Variants in PRDM15 observed in about 807,000 individuals in gnomAD.
The protein encoded by PRDM15 is PR/SET domain 15, also known as PR domain zinc finger protein 15.
PRDM15 carries 64 observed loss-of-function variants against 128.6 expected under a neutral mutation model. The ratio of observed to expected loss-of-function variants is 0.50; its 90% CI spans 0.41 to 0.61. The LOEUF (loss-of-function observed/expected upper bound fraction) is 0.61, where lower values mean the gene tolerates loss of function less well. PRDM15 is among the 20% of genes least tolerant of loss of function. The probability of loss-of-function intolerance (pLI) is 0.00; values close to 1 mark genes in which losing one functional copy is unlikely to be tolerated. For synonymous variants in PRDM15, 615 were observed against 621.8 expected (o/e 0.99, Z 0.16); for missense variants, 1,242 against 1,569.1 (o/e 0.79, Z 3.52).
chr21:41,861,561 AC>A (rs750806246), intron 1 of PRDM15: 18 of 1,572,310 alleles, frequency 1.1e-5, no homozygotes, highest in Non-Finnish European at 1.5e-5. Context: ...AACTGTGCGC[AC>A]CGGCATGTCC....
rs1358576688 is a variant in PRDM15, at chr21:41,801,213, C to T, written c.*27G>A. ...AAATCCCAAACATCCCTCTGCAGTT[C>T]TTGCCCCGAGTCTCCCGGAACGCAG... On this transcript the variant is annotated 3_prime_UTR_variant, in exon 24 of 24. Transcript: ENST00000398548. 6.6e-7 allele frequency: 1 copy of T among 1,506,206 alleles called. No homozygotes were observed. The highest frequency in any genetic ancestry group is 2.3e-5 in the East Asian group (1 of 43,994). 93.3% of individuals were successfully genotyped at this position (1,506,206 alleles called of 1,614,324 possible). A position where few individuals can be genotyped will look rare whatever the true frequency, so the allele number is the denominator to read the frequency against.
chr21:41,871,360 C>T (rs558875142), intron 1 of PRDM15: 5 of 352,788 alleles, frequency 1.4e-5, no homozygotes, highest in Admixed American at 7.8e-5. Flanking sequence ...CAACCTCCTG[C>T]ACCACCACCT....
chr21:41,815,678 C>T (rs775318403), intron 19 of PRDM15, 27 bp downstream of exon 19: 1 of 1,609,898 alleles, frequency 6.2e-7, no homozygotes, highest in African/African-American at 1.3e-5. Context: ...AGCGCCGTGG[C>T]TGGCGCGGCC....
intron 9 of PRDM15, 57 bp downstream of exon 9, chr21:41,836,411 C>A: frequency 2.6e-6 from 4 of 1,545,072 alleles, no homozygotes; most frequent in Non-Finnish European, 3.5e-6. Context: ...TGTCCTCCCA[C>A]CCCCAGCCCC....
chr21:41,814,936 T>C (rs1197619777), intron 19 of PRDM15: 1 of 144,098 alleles, frequency 6.9e-6, no homozygotes, highest in African/African-American at 2.6e-5. Context: ...CTTGTGTTAG[T>C]GATTGCGCAG....
intron 1 of PRDM15, chr21:41,871,593 C>T (rs1464795505): frequency 6.2e-7 from 1 of 1,611,452 alleles, no homozygotes; most frequent in Middle Eastern, 1.9e-4. Context: ...AAGAGCTGCT[C>T]ACTGACCCTC....
rs116948800 is a variant in PRDM15, at chr21:41,855,702, G to A, written c.286-884C>T. Among the ~76,000 whole-genome samples, 102 of 152,284 alleles carry A rather than the reference G, an allele frequency of 6.7e-4. 1 individual carries two copies. In the East Asian group the frequency reaches 0.013, roughly 20 times the overall value. On this transcript the variant is annotated intron_variant, in intron 4 of 23. Transcript: ENST00000398548. ...ACCAGGCGATGACCTTCAGAATCGC[G>A]TAGCTGAAGGACCACCAAAATGGGC...
intron 8 of PRDM15, among the ~76,000 whole-genome samples, chr21:41,837,611 G>A (rs1383595740): frequency 6.6e-6 from 1 of 152,136 alleles, no homozygotes; most frequent in African/African-American, 2.4e-5. Context: ...AGATGGATGG[G>A]GGAGATGATT....
At chr21:41,864,638 C>T (rs1179876834) in intron 1 of PRDM15, among the ~76,000 whole-genome samples, 2 of 152,088 alleles carry the variant, frequency 1.3e-5, no homozygotes, top group African/African-American at 4.8e-5. Context: ...CCCTTACTAC[C>T]TCCCTTGGCC....
At chr21:41,868,699 T>C (rs904813710) in intron 1 of PRDM15, among the ~76,000 whole-genome samples, 20 of 147,476 alleles carry the variant, frequency 1.4e-4, no homozygotes, top group Non-Finnish European at 2.4e-4. Context: ...TTTTTCTTTT[T>C]TTTTTTTTTT....
chr21:41,806,525 CCACCACCATCACTACCACCAA>C (rs2061655633), intron 21 of PRDM15, among the ~76,000 whole-genome samples: 1 of 2,934 alleles, frequency 3.4e-4, no homozygotes, highest in African/African-American at 7.6e-4. Flanking sequence ...ACCACCATCA[CCACCACCATCACTACCACCAA>C]CATCACCACC....
chr21:41,863,372 AC>A (rs1488886959), intron 1 of PRDM15: 1 of 152,018 alleles, frequency 6.6e-6, no homozygotes, highest in African/African-American at 2.4e-5. Flanking sequence ...AGGGCCCTGC[AC>A]TCTGTTTGCA....
chr21:41,809,684 G>GTGC (rs2061798007), intron 21 of PRDM15, among the ~76,000 whole-genome samples: 1 of 152,098 alleles, frequency 6.6e-6, no homozygotes, highest in South Asian at 2.1e-4. Context: ...GTCTTTCAGG[G>GTGC]TGCTCCTTCT....
At chr21:41,867,181 T>G (rs908051332) in intron 1 of PRDM15, 1 of 707,732 alleles carries the variant, frequency 1.4e-6, no homozygotes, top group African/African-American at 1.8e-5. Context: ...AGATTTTCTA[T>G]TCACACACAG....
At position 41,801,853 on chromosome 21, in the gene PRDM15, T is replaced by A. The variant is rs80167776; in HGVS notation, c.2944-131A>T. The A allele has an allele frequency of 5.8e-3, 6,208 of 1,071,428 alleles. 241 individuals carry two copies. In the African/African-American group the frequency reaches 0.086, roughly 15 times the overall value. 66.4% of individuals were successfully genotyped at this position (1,071,428 alleles called of 1,614,324 possible). On this transcript the variant is annotated intron_variant, in intron 23 of 23. Coordinates refer to ENST00000398548, the MANE Select transcript of PRDM15 (RefSeq NM_001040424.3). ...TTCTTTGGTGAAAGAGGAAACCGAG[T>A]TAATTTTGTTCTGGAAAAATTCCAG...
At position 41,832,427 on chromosome 21, in the gene PRDM15, C is replaced by T. The variant is rs1021762895; in HGVS notation, c.1366+3010G>A. On this transcript the variant is annotated intron_variant, in intron 11 of 23. Coordinates refer to ENST00000398548, the MANE Select transcript of PRDM15 (RefSeq NM_001040424.3). The surrounding 1 kb of genome is among the most constrained non-coding windows in gnomAD (Gnocchi z 4.2). ...GCCACACCTTACAGCGCTGTGGCAT[C>T]GGATCACCACAGGCCACACCTTACA... Among the ~76,000 whole-genome samples, 1 of 151,922 alleles carries T rather than the reference C, an allele frequency of 6.6e-6. No individual in the cohort carries two copies. Among genetic ancestry groups the T allele is most frequent in the East Asian group, 1.9e-4 (1 of 5,176 alleles).
intron 6 of PRDM15, among the ~76,000 whole-genome samples, chr21:41,846,603 G>A (rs2063272031): frequency 6.6e-6 from 1 of 152,200 alleles, no homozygotes. Flanking sequence ...AGGCTGAGGT[G>A]GGAGGATCGC....
At chr21:41,853,880 TTTC>T (rs201494914) in intron 5 of PRDM15, among the ~76,000 whole-genome samples, 2,624 of 152,286 alleles carry the variant, frequency 0.017, 36 homozygotes, top group Non-Finnish European at 0.029. Context: ...CCAATCCTGA[TTTC>T]TTCATCTACT....
intron 11 of PRDM15, chr21:41,834,465 G>T (rs1229857618): frequency 6.6e-7 from 1 of 1,521,768 alleles, no homozygotes; most frequent in Non-Finnish European, 8.9e-7. Flanking sequence ...GACAGACACA[G>T]AGCAGGCGGA....
Sources: allele counts gnomAD v4.1 joint callset (sites outside exome capture counted in the v4.1 genomes callset), GRCh38; gene constraint gnomAD v4.1.1; non-coding constraint Gnocchi (gnomAD v3.1); transcripts MANE v1.5; gene names NCBI Gene and HGNC (gene_info 2026-07-23, HGNC 2026-07-21).